The following TRIM71 variants were observed in gnomAD, a reference collection of about 807,000 sequenced individuals.
The protein encoded by TRIM71 is E3 ubiquitin-protein ligase TRIM71.
Under a neutral mutation model 61.2 loss-of-function variants are expected in TRIM71, and 9 were observed. That is an observed-to-expected ratio of 0.15 (90% CI 0.09 to 0.26). The LOEUF (loss-of-function observed/expected upper bound fraction) is 0.26, where lower values mean the gene tolerates loss of function less well. Among genes scored for constraint, TRIM71 ranks in the 10% least tolerant of loss-of-function variants. The probability of loss-of-function intolerance (pLI) is 1.00; values close to 1 mark genes in which losing one functional copy is unlikely to be tolerated. For missense variants in TRIM71, 998 were observed against 1,238.7 expected (o/e 0.81, Z 2.92); for synonymous variants, 645 against 553.2 (o/e 1.17, Z -2.33).
Position 32,891,598 on chromosome 3 carries a change from A to G in TRIM71, c.2394A>G (p.Gln798=), listed in dbSNP as rs1158115715. The change falls in exon 4 of 4, where the codon CAA becomes CAG. Residue 798 remains glutamine, a synonymous_variant. Coordinates refer to ENST00000383763, the MANE Select transcript of TRIM71 (RefSeq NM_001039111.3). The surrounding 1 kb of genome is among the most constrained non-coding windows in gnomAD (Gnocchi z 8.2). ...GTGNGQFLRP[Q]GVAVDQEGRI... The stretch of plus-strand genomic sequence containing the variant: ...GCAATGGGCAGTTCCTGCGCCCACA[A>G]GGGGTAGCTGTGGACCAGGAAGGGC... The G allele has an allele frequency of 6.2e-7, 1 of 1,613,736 alleles. No individual in the cohort carries two copies.
intron 2 of TRIM71, among the ~76,000 whole-genome samples, chr3:32,874,364 T>A (rs11326149): frequency 0.13 from 14,500 of 109,310 alleles, 1,625 homozygotes; most frequent in African/African-American, 0.34. Context: ...CTACTACTAC[T>A]ACTACAACAT....
rs758901789 is a variant in TRIM71 at position 32,891,756 on chromosome 3, C to G, written c.2552C>G (p.Pro851Arg). 1.2e-6 allele frequency: 2 copies of G among 1,613,996 alleles called. No individual in the cohort carries two copies. Among genetic ancestry groups the G allele is most frequent in the East Asian group, 4.5e-5 (2 of 44,886 alleles). Residue 851 changes from proline (P) to arginine (R), a missense_variant, in exon 4 of 4, where the codon CCC becomes CGC. Pro to Arg is a moderately radical substitution (Grantham distance 103). This residue lies in a region of TRIM71 where 95 missense variants were observed against 159.0 expected (regional missense o/e 0.60). Transcript: ENST00000383763. The surrounding 1 kb of genome is among the most constrained non-coding windows in gnomAD (Gnocchi z 8.2). ...CGCCCTTCCGGCATCGCCATCACCC[C>G]CGACGGAATGATCGTTGTGGTGGAC... Reference protein sequence around the residue: ...MDRPSGIAITPDGMIVVVDFG... With the variant: ...MDRPSGIAITRDGMIVVVDFG...
At chr3:32,827,350 G>GCCTC (rs773564287) in intron 1 of TRIM71, among the ~76,000 whole-genome samples, 87 of 140,926 alleles carry the variant, frequency 6.2e-4, no homozygotes, top group Middle Eastern at 8.2e-3. Flanking sequence ...TGTACCTTCT[G>GCCTC]CCTCCTGGGT....
intron 1 of TRIM71, among the ~76,000 whole-genome samples, chr3:32,835,775 T>C (rs1283200291): frequency 1.3e-5 from 2 of 152,206 alleles, no homozygotes; most frequent in Non-Finnish European, 2.9e-5. Context: ...TTATAAGTAA[T>C]ATATAAACCT....
intron 1 of TRIM71, among the ~76,000 whole-genome samples, chr3:32,857,736 C>CAG: frequency 6.6e-6 from 1 of 152,138 alleles, no homozygotes; most frequent in Non-Finnish European, 1.5e-5. Context: ...TTCAGGAGGC[C>CAG]GACGCAGGTG....
At chr3:32,857,923 A>G (rs1228249277) in intron 1 of TRIM71, among the ~76,000 whole-genome samples, 1 of 152,104 alleles carries the variant, frequency 6.6e-6, no homozygotes, top group African/African-American at 2.4e-5. Flanking sequence ...GCAAGCCGAG[A>G]TCGCACCACT....
intron 1 of TRIM71, among the ~76,000 whole-genome samples, chr3:32,869,726 G>A (rs1426877513): frequency 6.6e-6 from 1 of 152,158 alleles, no homozygotes; most frequent in African/African-American, 2.4e-5. Flanking sequence ...ACATTCCTAG[G>A]TCTTTGTCTC....
intron 1 of TRIM71, among the ~76,000 whole-genome samples, chr3:32,865,368 A>G (rs528983753): frequency 6.6e-6 from 1 of 151,834 alleles, no homozygotes. Flanking sequence ...AAACCAAAAA[A>G]CCCACTGTTG....
chr3:32,821,521 T>C (rs1696131455), intron 1 of TRIM71, among the ~76,000 whole-genome samples: 1 of 152,218 alleles, frequency 6.6e-6, no homozygotes, highest in African/African-American at 2.4e-5. Flanking sequence ...GTCTGAGCAA[T>C]TGGCTTTAAA....
At chr3:32,846,750 T>C (rs1270812451) in intron 1 of TRIM71, among the ~76,000 whole-genome samples, 1 of 150,898 alleles carries the variant, frequency 6.6e-6, no homozygotes, top group African/African-American at 2.4e-5. Flanking sequence ...TGAGATTAGC[T>C]TTTTTAGATT....
intron 1 of TRIM71, among the ~76,000 whole-genome samples, chr3:32,866,681 C>T (rs1359350919): frequency 6.6e-6 from 1 of 152,146 alleles, no homozygotes; most frequent in Non-Finnish European, 1.5e-5. Context: ...AGCTGGACCA[C>T]TTCACCAAGG....
At chr3:32,879,772 A>G (rs1482572922) in intron 2 of TRIM71, among the ~76,000 whole-genome samples, 1 of 151,882 alleles carries the variant, frequency 6.6e-6, no homozygotes, top group Non-Finnish European at 1.5e-5. Flanking sequence ...CAGGAATTCT[A>G]TACCAGCCTG....
intron 1 of TRIM71, among the ~76,000 whole-genome samples, chr3:32,827,289 A>C (rs1284387712): frequency 1.0e-5 from 1 of 96,316 alleles, no homozygotes; most frequent in Non-Finnish European, 2.4e-5. Flanking sequence ...TTTTGGGTGG[A>C]GTCTCACTCT....
At chr3:32,872,584 G>C (rs1696807837) in intron 1 of TRIM71, among the ~76,000 whole-genome samples, 1 of 152,176 alleles carries the variant, frequency 6.6e-6, no homozygotes. Context: ...CTTCTCACCA[G>C]AATGAGCTTC....
intron 2 of TRIM71, among the ~76,000 whole-genome samples, chr3:32,874,455 C>T (rs1197919447): frequency 6.6e-6 from 1 of 151,474 alleles, no homozygotes; most frequent in Non-Finnish European, 1.5e-5. Context: ...CTCCACCTCC[C>T]GGATTCAAGT....
chr3:32,833,046 G>C (rs772598759), intron 1 of TRIM71, among the ~76,000 whole-genome samples: 40 of 151,638 alleles, frequency 2.6e-4, no homozygotes, highest in Admixed American at 9.2e-4. Context: ...TTAGTGTTAC[G>C]AACCTGTCAT....
intron 2 of TRIM71, among the ~76,000 whole-genome samples, chr3:32,880,430 T>C (rs1405868274): frequency 2.0e-5 from 3 of 152,244 alleles, no homozygotes; most frequent in Non-Finnish European, 4.4e-5. Context: ...TATTTCCCCA[T>C]TGAATGTCTG....
intron 1 of TRIM71, among the ~76,000 whole-genome samples, chr3:32,820,606 T>C (rs772606434): frequency 4.6e-5 from 7 of 152,210 alleles, no homozygotes; most frequent in Non-Finnish European, 1.0e-4. Flanking sequence ...TCCAGGAGTT[T>C]CCCCTTCTGA....
rs747887519 is a variant in TRIM71, at chr3:32,818,151, C to T, written c.71C>T (p.Pro24Leu). 2.2e-5 allele frequency: 36 copies of T among 1,610,502 alleles called. No homozygotes were observed. In the Admixed American group the frequency reaches 5.7e-4, roughly 25 times the overall value. The change falls in exon 1 of 4, where the codon CCG (proline) becomes CTG (leucine). Residue 24 changes from proline to leucine, a missense_variant. This residue lies in a region of TRIM71 where 527 missense variants were observed against 427.8 expected (regional missense o/e 1.23). Coordinates refer to ENST00000383763, the MANE Select transcript of TRIM71 (RefSeq NM_001039111.3). The stretch of plus-strand genomic sequence containing the variant: ...AAGGAGATGTGCGGCTCGCCGGCGC[C>T]GCTCTCCTCCAACTCGTCCGCGTCG... ...LCKEMCGSPAPLSSNSSASSS... is the reference protein window; with the variant it reads ...LCKEMCGSPALLSSNSSASSS...
Sources: allele counts gnomAD v4.1 joint callset (sites outside exome capture counted in the v4.1 genomes callset), GRCh38; gene constraint gnomAD v4.1.1; regional missense constraint gnomAD v4.1.1; non-coding constraint Gnocchi (gnomAD v3.1); transcripts MANE v1.5; gene names NCBI Gene and HGNC (gene_info 2026-07-23, HGNC 2026-07-21).